The following TXNL4A variants were observed in gnomAD, a reference collection of about 807,000 sequenced individuals.
The protein encoded by TXNL4A is thioredoxin-like protein 4A.
A neutral mutation model predicts 14.6 loss-of-function variants in TXNL4A; 17 were observed. The observed-to-expected ratio is 1.16, with a 90% CI of 0.80 to 1.74. The LOEUF (loss-of-function observed/expected upper bound fraction) is 1.74, where lower values mean the gene tolerates loss of function less well. Among genes scored for constraint, TXNL4A ranks in the 40% most tolerant of loss-of-function variants. TXNL4A has a pLI of 0.00. For missense variants in TXNL4A, 74 were observed against 195.2 expected, an observed-to-expected ratio of 0.38 and a Z score of 3.70; for synonymous variants, 83 against 70.6, an observed-to-expected ratio of 1.18 and a Z score of -0.88.
At chr18:80,025,537 T>C (rs2051878956) in intron 1 of TXNL4A, among the ~76,000 whole-genome samples, 2 of 152,246 alleles carry the variant, frequency 1.3e-5, no homozygotes, top group Admixed American at 6.5e-5. Flanking sequence ...GGGAATCCTA[T>C]GGAGATTTCT....
At chr18:80,024,148 T>C (rs2051868301) in intron 1 of TXNL4A, among the ~76,000 whole-genome samples, 2 of 151,766 alleles carry the variant, frequency 1.3e-5, no homozygotes, top group Non-Finnish European at 2.9e-5. Context: ...GATCTTCCAA[T>C]GTTTCTCAGC....
At chr18:80,029,013 G>A (rs915745484) in intron 1 of TXNL4A, among the ~76,000 whole-genome samples, 3 of 152,152 alleles carry the variant, frequency 2.0e-5, no homozygotes, top group East Asian at 3.8e-4. Context: ...GGACCAAACG[G>A]CCATAAAACC....
intron 1 of TXNL4A, among the ~76,000 whole-genome samples, chr18:79,994,262 A>G (rs1300993098): frequency 6.6e-6 from 1 of 152,146 alleles, no homozygotes; most frequent in Non-Finnish European, 1.5e-5. Flanking sequence ...GTACCCGCGA[A>G]CCAGAATGGA....
upstream of TXNL4A, chr18:79,988,671 G>A: frequency 3.7e-6 from 1 of 267,348 alleles, no homozygotes; most frequent in Non-Finnish European, 7.0e-6. Context: ...GTAGTTGGCC[G>A]GGTGGAGCGG....
chr18:79,994,134 A>G (rs553809605), intron 1 of TXNL4A, among the ~76,000 whole-genome samples: 1 of 152,354 alleles, frequency 6.6e-6, no homozygotes, highest in Non-Finnish European at 1.5e-5. Flanking sequence ...GGCCAGGTAC[A>G]TGCAAAATAC....
At chr18:79,983,248 G>A (rs906923917) in intron 1 of TXNL4A, among the ~76,000 whole-genome samples, 2 of 152,204 alleles carry the variant, frequency 1.3e-5, no homozygotes, top group African/African-American at 4.8e-5. Context: ...TGATTCGCCT[G>A]CCTCGGCTTC....
chr18:80,028,232 G>GC (rs2051897804), intron 1 of TXNL4A, among the ~76,000 whole-genome samples: 1 of 149,232 alleles, frequency 6.7e-6, no homozygotes, highest in African/African-American at 2.5e-5. Context: ...GCCTCCTTGT[G>GC]TGAGAGCAGT....
chr18:79,986,831 T>A (rs1160927703), intron 1 of TXNL4A: 1 of 940,160 alleles, frequency 1.1e-6, no homozygotes, highest in Admixed American at 6.2e-5. Flanking sequence ...GGGAAACTGC[T>A]CTTAGTCAAT....
chr18:80,028,567 T>C (rs1404049359), intron 1 of TXNL4A, among the ~76,000 whole-genome samples: 1 of 144,836 alleles, frequency 6.9e-6, no homozygotes, highest in Non-Finnish European at 1.5e-5. Flanking sequence ...AATAGAATGG[T>C]ATACAGATGG....
chr18:79,987,581 G>A (rs1243009360), intron 1 of TXNL4A, among the ~76,000 whole-genome samples: 2 of 152,176 alleles, frequency 1.3e-5, no homozygotes, highest in Non-Finnish European at 2.9e-5. Flanking sequence ...AGGAACCACA[G>A]AAAAAGAATG....
chr18:79,976,682 A>T (rs1236701115), intron 2 of TXNL4A: 1 of 418,794 alleles, frequency 2.4e-6, no homozygotes, highest in Non-Finnish European at 4.7e-6. Context: ...TACAAAACTA[A>T]CGCATACCCT....
chr18:79,978,239 A>C (rs1218303757), intron 1 of TXNL4A, among the ~76,000 whole-genome samples: 1 of 152,162 alleles, frequency 6.6e-6, no homozygotes, highest in Non-Finnish European at 1.5e-5. Flanking sequence ...CTGATCTAGT[A>C]ATCATCTGTA....
At chr18:79,977,454 T>G in intron 2 of TXNL4A, 144 bp downstream of exon 2, 1 of 664,804 alleles carries the variant, frequency 1.5e-6, no homozygotes, top group Non-Finnish European at 2.7e-6. Flanking sequence ...AGATTCACAC[T>G]GATTGCCTGG....
intron 1 of TXNL4A, among the ~76,000 whole-genome samples, chr18:80,013,401 G>A (rs754901883): frequency 4.6e-5 from 7 of 151,668 alleles, no homozygotes; most frequent in African/African-American, 7.3e-5. Context: ...GATTACAGGC[G>A]TGAGCCACCA....
intron 1 of TXNL4A, among the ~76,000 whole-genome samples, chr18:80,015,721 A>G (rs1313174478): frequency 1.0e-4 from 15 of 150,604 alleles, no homozygotes; most frequent in African/African-American, 2.7e-4. Context: ...ATAGTATTCC[A>G]TGGTGTATAT....
chr18:79,984,572 CA>C (rs548624447), intron 1 of TXNL4A, among the ~76,000 whole-genome samples: 1 of 151,700 alleles, frequency 6.6e-6, no homozygotes, highest in Non-Finnish European at 1.5e-5. Flanking sequence ...CTCAAACAAA[CA>C]AAAAAAATGT....
At chr18:80,002,789 T>G (rs1324544654) in intron 1 of TXNL4A, among the ~76,000 whole-genome samples, 1 of 152,254 alleles carries the variant, frequency 6.6e-6, no homozygotes, top group East Asian at 1.9e-4. Context: ...GTCCTAAGTG[T>G]GAGCTTTCGC....
At chr18:80,031,511 G>A (rs536846532) in intron 1 of TXNL4A, among the ~76,000 whole-genome samples, 1 of 152,186 alleles carries the variant, frequency 6.6e-6, no homozygotes, top group African/African-American at 2.4e-5. Context: ...AATCTCGTTG[G>A]ACACGTTCAG....
rs143673371 is a variant in TXNL4A at position 80,021,017 on chromosome 18, T to C, written c.-61+12834A>G. 5.9e-5 allele frequency among the ~76,000 whole-genome samples: 9 copies of C among 152,248 alleles called. No individual in the cohort carries two copies. The East Asian group carries it at 1.7e-3, about 29-fold the overall frequency. Reference sequence around the variant, plus strand: ...GTGCCTTCTTGAGAAACCCCCTCAGTTGGGGCACAGAGGATAATATTATAT... The same window carrying C: ...GTGCCTTCTTGAGAAACCCCCTCAGCTGGGGCACAGAGGATAATATTATAT... On this transcript the variant is annotated intron_variant, in intron 1 of 2. Transcript: ENST00000585474.
Sources: gnomAD v4.1 joint callset for allele counts (sites outside exome capture counted in the v4.1 genomes callset) on GRCh38, gnomAD v4.1.1 for gene constraint, MANE v1.5 for transcripts, NCBI Gene and HGNC (gene_info 2026-07-23, HGNC 2026-07-21) for gene names.